Variants in MCTP1 observed in about 807,000 individuals in gnomAD.
MCTP1 encodes the protein multiple C2 and transmembrane domain-containing protein 1.
MCTP1 carries 69 observed loss-of-function variants against 120.6 expected under a neutral mutation model. The ratio of observed to expected loss-of-function variants is 0.57; its 90% confidence interval spans 0.47 to 0.70. MCTP1 has a LOEUF of 0.70. Among genes scored for constraint, MCTP1 ranks in the 30% least tolerant of loss-of-function variants. MCTP1 has a pLI of 0.00. For synonymous variants in MCTP1, 529 were observed against 493.1 expected (o/e 1.07, Z -0.96); for missense variants, 1,203 against 1,248.8 (o/e 0.96, Z 0.55).
chr5:94,923,330 A>G (rs1178114779), intron 7 of MCTP1, among the ~76,000 whole-genome samples: 3 of 152,060 alleles, frequency 2.0e-5, no homozygotes, highest in African/African-American at 7.3e-5. Context: ...TTAGTAATAA[A>G]TTGTGCTGTG....
At chr5:94,934,741 T>TG (rs200868253) in intron 5 of MCTP1, among the ~76,000 whole-genome samples, 1 of 149,872 alleles carries the variant, frequency 6.7e-6, no homozygotes, top group African/African-American at 2.5e-5. Context: ...AAAGAAGTTT[T>TG]TTTTTTTTTT....
chr5:94,950,602 C>T (rs185623500), intron 3 of MCTP1, among the ~76,000 whole-genome samples: 2 of 152,052 alleles, frequency 1.3e-5, no homozygotes, highest in African/African-American at 4.8e-5. Context: ...TATATTTATA[C>T]ATATACATAC....
intron 2 of MCTP1, among the ~76,000 whole-genome samples, chr5:94,968,897 G>T (rs1335912176): frequency 5.3e-5 from 8 of 152,200 alleles, no homozygotes; most frequent in Non-Finnish European, 7.4e-5. Flanking sequence ...TACGAAAGAT[G>T]AATCTAGAAA....
Position 94,707,098 on chromosome 5 carries a change from A to ATAGTCGCATTAAAAAAAAACTT in MCTP1, c.*376_*397dup, listed in dbSNP as rs1754806171. On this transcript the variant is annotated 3_prime_UTR_variant, in exon 23 of 23. Transcript: ENST00000515393. Reference sequence around the variant, plus strand: ...TAATGGATTACTTTTCAGATAAAAAATAGTCGCATTAAAAAAAAACTTTAA... The same window carrying ATAGTCGCATTAAAAAAAAACTT: ...TAATGGATTACTTTTCAGATAAAAAATAGTCGCATTAAAAAAAAACTTTAGTCGCATTAAAAAAAAACTTTAA... The ATAGTCGCATTAAAAAAAAACTT allele has an allele frequency of 6.5e-6, 1 of 154,266 alleles. No homozygotes were observed. The allele number at this position is 154,266 out of a possible 1,614,324, so 9.6% of individuals were successfully genotyped here.
In MCTP1 at chr5:94,891,529, G is replaced by T. The variant is rs888042452; in HGVS notation, c.1840-2557C>A. On this transcript the variant is annotated intron_variant, in intron 11 of 22. Coordinates refer to ENST00000515393, the MANE Select transcript of MCTP1 (RefSeq NM_024717.7). The stretch of plus-strand genomic sequence containing the variant: ...AATCAAGTTCTATTTTGACTAAGAC[G>T]AATATAATCAGTCCTTATGTCTGAG... Among the ~76,000 whole-genome samples the T allele has an allele frequency of 7.2e-5, 11 of 152,200 alleles. No homozygotes were observed. The East Asian group carries it at 2.1e-3, about 29-fold the overall frequency.
intron 1 of MCTP1, among the ~76,000 whole-genome samples, chr5:95,224,238 T>C (rs536883993): frequency 1.3e-5 from 2 of 152,366 alleles, no homozygotes; most frequent in South Asian, 2.1e-4. Flanking sequence ...TTCTAGGATA[T>C]GCAGCAGCTT....
intron 1 of MCTP1, among the ~76,000 whole-genome samples, chr5:95,234,029 A>G (rs561518847): frequency 2.0e-5 from 3 of 152,170 alleles, no homozygotes; most frequent in East Asian, 3.9e-4. Flanking sequence ...AAAAAAAAAA[A>G]AGAGAGAAGA....
At chr5:95,243,980 C>T (rs1472512098) in intron 1 of MCTP1, among the ~76,000 whole-genome samples, 3 of 152,188 alleles carry the variant, frequency 2.0e-5, no homozygotes, top group African/African-American at 7.2e-5. Context: ...TTGACACTAA[C>T]TGGATGCCGG....
In MCTP1 at chr5:95,199,716, G is replaced by A. The variant is rs368045381; in HGVS notation, c.720+84140C>T. Among the ~76,000 whole-genome samples, 139 of 151,010 alleles carry A rather than the reference G, an allele frequency of 9.2e-4. 1 individual carries two copies. The highest frequency in any genetic ancestry group is 1.7e-3 in the Non-Finnish European group (116 of 67,766). ...CTATTAAAAATACTAAAAATTAGCC[G>A]GGTGTGGTGGTGCACGCCTGTAATC... On this transcript the variant is annotated intron_variant, in intron 1 of 22. Coordinates refer to ENST00000515393, the MANE Select transcript of MCTP1 (RefSeq NM_024717.7).
chr5:95,000,060 C>T (rs1170257318), intron 2 of MCTP1, among the ~76,000 whole-genome samples: 6 of 152,064 alleles, frequency 3.9e-5, no homozygotes, highest in Non-Finnish European at 5.9e-5. Flanking sequence ...TTTTGGTCAC[C>T]GATGGACTGC....
rs1754657451 is a variant in MCTP1 at position 94,706,525 on chromosome 5, TAAC to T, written c.*968_*970del. 2.0e-5 allele frequency: 3 copies of T among 150,630 alleles called. No homozygotes were observed. The highest frequency in any genetic ancestry group is 4.4e-5 in the Non-Finnish European group (3 of 67,648). The allele number at this position is 150,630 out of a possible 1,614,324, so 9.3% of individuals were successfully genotyped here. ...TTCTCTACATTAAAATTCACACTAA[TAAC>T]AAAATCATAGTATGAATTAAAGCAT... On this transcript the variant is annotated 3_prime_UTR_variant, in exon 23 of 23. Coordinates refer to ENST00000515393, the MANE Select transcript of MCTP1 (RefSeq NM_024717.7).
At chr5:95,255,546 G>C (rs1757795066) in intron 1 of MCTP1, among the ~76,000 whole-genome samples, 1 of 152,122 alleles carries the variant, frequency 6.6e-6, no homozygotes, top group Non-Finnish European at 1.5e-5. Flanking sequence ...CTGGTGCACT[G>C]ATCCCACACC....
chr5:95,241,523 C>G (rs1409915283), intron 1 of MCTP1, among the ~76,000 whole-genome samples: 1 of 152,160 alleles, frequency 6.6e-6, no homozygotes, highest in Non-Finnish European at 1.5e-5. Flanking sequence ...GAGCCTCATC[C>G]TGCTAAAGCT....
At chr5:94,858,077 G>T (rs1235225710) in intron 17 of MCTP1, among the ~76,000 whole-genome samples, 1 of 151,646 alleles carries the variant, frequency 6.6e-6, no homozygotes, top group Non-Finnish European at 1.5e-5. Context: ...GCCACGGACA[G>T]GTTCATCTTA....
chr5:95,187,690 G>A (rs1051781177), intron 1 of MCTP1, among the ~76,000 whole-genome samples: 8 of 152,138 alleles, frequency 5.3e-5, no homozygotes, highest in Non-Finnish European at 7.4e-5. Context: ...GTGAGCCACC[G>A]CGCCTGGCAA....
At chr5:94,940,385 C>A (rs1299269237) in intron 4 of MCTP1, among the ~76,000 whole-genome samples, 190 bp from the exon 5 acceptor site, 2 of 140,090 alleles carry the variant, frequency 1.4e-5, no homozygotes, top group Non-Finnish European at 3.2e-5. Context: ...TCTGAATACA[C>A]CAGATGAATT....
intron 19 of MCTP1, among the ~76,000 whole-genome samples, chr5:94,716,368 T>C (rs1158254404): frequency 6.6e-6 from 1 of 151,654 alleles, no homozygotes; most frequent in Non-Finnish European, 1.5e-5. Flanking sequence ...CGTTGGTGCA[T>C]CAATTTATCT....
chr5:94,719,785 T>C (rs1760425405), intron 19 of MCTP1, among the ~76,000 whole-genome samples: 1 of 152,192 alleles, frequency 6.6e-6, no homozygotes, highest in Admixed American at 6.5e-5. Flanking sequence ...CATGTTTACC[T>C]ATGTAACAAA....
At chr5:94,796,607 T>A (rs934889856) in intron 18 of MCTP1, among the ~76,000 whole-genome samples, 2 of 91,654 alleles carry the variant, frequency 2.2e-5, no homozygotes, top group Non-Finnish European at 4.6e-5. Flanking sequence ...ATATATATAA[T>A]ATATATAATA....
Sources: gnomAD v4.1 joint callset for allele counts (sites outside exome capture counted in the v4.1 genomes callset) on GRCh38, gnomAD v4.1.1 for gene constraint, MANE v1.5 for transcripts, NCBI Gene and HGNC (gene_info 2026-07-23, HGNC 2026-07-21) for gene names.